BCAS3: variants seen among roughly 807,000 people sequenced by gnomAD.
The protein encoded by BCAS3 is BCAS4/BCAS3 fusion.
Under a neutral mutation model 116.1 loss-of-function variants are expected in BCAS3, and 53 were observed. That is an observed-to-expected ratio of 0.46 (90% CI 0.37 to 0.57). The LOEUF is 0.57. Among genes scored for constraint, BCAS3 ranks in the 20% least tolerant of loss-of-function variants. The pLI, the probability that BCAS3 is intolerant of heterozygous loss-of-function variation, is 0.00. For synonymous variants in BCAS3, 391 were observed against 408.2 expected (o/e 0.96, Z 0.51); for missense variants, 917 against 1,165.4 (o/e 0.79, Z 3.10).
intron 6 of BCAS3, among the ~76,000 whole-genome samples, chr17:60,779,692 C>G (rs551498515): frequency 5.9e-5 from 9 of 152,114 alleles, no homozygotes; most frequent in African/African-American, 2.2e-4. Flanking sequence ...AGACTTGGTT[C>G]CTATCAAGAT....
chr17:60,680,293 T>C (rs1456935585), intron 2 of BCAS3, among the ~76,000 whole-genome samples: 2 of 152,178 alleles, frequency 1.3e-5, no homozygotes, highest in Non-Finnish European at 2.9e-5. Context: ...CTTTTAACTT[T>C]TAAGTTCAAG....
Position 61,131,143 on chromosome 17 carries a change from A to G in BCAS3, c.2425+46579A>G, listed in dbSNP as rs967748240. 1.3e-5 allele frequency among the ~76,000 whole-genome samples: 2 copies of G among 152,318 alleles called. No individual in the cohort carries two copies. Among genetic ancestry groups the G allele is most frequent in the South Asian group, 2.1e-4 (1 of 4,826 alleles). ...AGCTAGGTTGACCTTTAACAAGTCT[A>G]TTTAACTTTTTCTTAGGTTATTTCT... On this transcript the variant is annotated intron_variant, in intron 22 of 23. Transcript: ENST00000407086. The surrounding 1 kb of genome is among the most constrained non-coding windows in gnomAD (Gnocchi z 4.4).
In BCAS3 at chr17:61,359,115, C is replaced by T. The variant is rs560126204; in HGVS notation, c.2426-9212C>T. 2.6e-5 allele frequency among the ~76,000 whole-genome samples: 4 copies of T among 152,208 alleles called. No homozygotes were observed. The South Asian group carries it at 8.3e-4, about 32-fold the overall frequency. On this transcript the variant is annotated intron_variant, in intron 22 of 23. Transcript: ENST00000407086. ...TTGACGCATAACCAGTCAGCCTTAC[C>T]GGTGGCATTGCCCAGGCTCCAGTAT...
At chr17:60,787,943 T>TA (rs924790571) in intron 6 of BCAS3, among the ~76,000 whole-genome samples, 35 of 149,012 alleles carry the variant, frequency 2.3e-4, no homozygotes, top group African/African-American at 6.4e-4. Flanking sequence ...CTAGAAAAGT[T>TA]AAAAAAAAAG....
At chr17:60,701,817 A>AAAAGAAAAAAAAG (rs1300777256) in intron 4 of BCAS3, among the ~76,000 whole-genome samples, 1,552 of 149,212 alleles carry the variant, frequency 0.01, 34 homozygotes, top group African/African-American at 0.036. Context: ...AAAAAAAAAA[A>AAAAGAAAAAAAAG]AAAAGAAAAA....
intron 2 of BCAS3, among the ~76,000 whole-genome samples, chr17:60,682,020 G>A (rs374347448): frequency 1.4e-4 from 21 of 152,128 alleles, no homozygotes; most frequent in African/African-American, 4.1e-4. Flanking sequence ...GTGAGCCACC[G>A]CGCCCGGCCT....
Position 61,296,705 on chromosome 17 carries a change from C to G in BCAS3, c.2426-71622C>G, listed in dbSNP as rs150649679. Among the ~76,000 whole-genome samples, 422 of 152,216 alleles carry G rather than the reference C, an allele frequency of 2.8e-3. 5 individuals are homozygous for G. Among genetic ancestry groups the G allele is most frequent in the South Asian group, 0.019 (92 of 4,818 alleles). On this transcript the variant is annotated intron_variant, in intron 22 of 23. Coordinates refer to ENST00000407086, the MANE Select transcript of BCAS3 (RefSeq NM_017679.5). The stretch of plus-strand genomic sequence containing the variant: ...CCAACCACATGGCAGAGGAGGCATC[C>G]TGGAAAAATTATTGACTAAACCAAG...
intron 22 of BCAS3, among the ~76,000 whole-genome samples, chr17:61,296,508 G>A (rs937282850): frequency 1.3e-5 from 2 of 152,294 alleles, no homozygotes; most frequent in Non-Finnish European, 2.9e-5. Context: ...ATGAAATAGA[G>A]CCCGAATATT....
chr17:61,287,425 G>T (rs542203691), intron 22 of BCAS3, among the ~76,000 whole-genome samples: 1 of 151,064 alleles, frequency 6.6e-6, no homozygotes, highest in East Asian at 2.0e-4. Flanking sequence ...GCCACATGCT[G>T]TTCCAAGAAA....
chr17:60,954,540 T>A (rs903778118), intron 14 of BCAS3, among the ~76,000 whole-genome samples: 1 of 152,224 alleles, frequency 6.6e-6, no homozygotes, highest in Non-Finnish European at 1.5e-5. Flanking sequence ...ATGACTTTTC[T>A]AAGCTATCAC....
Position 60,960,270 on chromosome 17 carries a change from A to G in BCAS3, c.1221+12918A>G, listed in dbSNP as rs1259658292. ...CAACTCTAAGTCTAAATTTTTTTTA[A>G]AAATATTATCGGCTCAAAGGTCCAA... On this transcript the variant is annotated intron_variant, in intron 14 of 23. Coordinates refer to ENST00000407086, the MANE Select transcript of BCAS3 (RefSeq NM_017679.5). The surrounding 1 kb of genome is among the most constrained non-coding windows in gnomAD (Gnocchi z 4.1). Among the ~76,000 whole-genome samples the G allele has an allele frequency of 6.6e-6, 1 of 152,134 alleles. No homozygotes were observed. Among genetic ancestry groups the G allele is most frequent in the Non-Finnish European group, 1.5e-5 (1 of 68,030 alleles).
rs2066889902 is a variant in BCAS3 at position 61,034,789 on chromosome 17, A to G, written c.1761A>G (p.Lys587=). Residue 587 remains lysine (K), a splice_region_variant and synonymous_variant, in exon 17 of 24, where the codon AAA becomes AAG. Transcript: ENST00000407086. This position sits in a 1 kb window ranked among gnomAD's most constrained non-coding sequence, Gnocchi z 5.0. Reference sequence around the variant, plus strand: ...ATAATGCAGGTCTGAAAAGAGAAAAAGGTATGTATTTTTACTGAAAAATGA... The same window carrying G: ...ATAATGCAGGTCTGAAAAGAGAAAAGGGTATGTATTTTTACTGAAAAATGA... ...FANNAGLKRE[K]DQSKQVVVES... is the part of the protein sequence containing the mutation. 2 of 1,594,046 alleles carry G rather than the reference A, an allele frequency of 1.3e-6. No individual in the cohort carries two copies. The highest frequency in any genetic ancestry group is 1.8e-5 in the Admixed American group (1 of 54,424).
At chr17:60,697,145 G>C (rs1195404304) in intron 4 of BCAS3, among the ~76,000 whole-genome samples, 1 of 152,146 alleles carries the variant, frequency 6.6e-6, no homozygotes, top group Non-Finnish European at 1.5e-5. Flanking sequence ...GGCTGTGTTT[G>C]TGTCACTGCG....
In BCAS3 at chr17:61,348,362, G is replaced by A. The variant is rs2057631244; in HGVS notation, c.2426-19965G>A. On this transcript the variant is annotated intron_variant, in intron 22 of 23. Transcript: ENST00000407086. This position sits in a 1 kb window ranked among gnomAD's most constrained non-coding sequence, Gnocchi z 4.5. ...TGGAACATCCAAGTGAGGGTGCTTG[G>A]TCTTACGCAGATGGTTTTGGAGCCC... Among the ~76,000 whole-genome samples, 1 of 152,208 alleles carries A rather than the reference G, an allele frequency of 6.6e-6. No homozygotes were observed. Among genetic ancestry groups the A allele is most frequent in the African/African-American group, 2.4e-5 (1 of 41,450 alleles).
chr17:61,125,541 A>G (rs57685610), intron 22 of BCAS3, among the ~76,000 whole-genome samples: 1 of 152,062 alleles, frequency 6.6e-6, no homozygotes, highest in Non-Finnish European at 1.5e-5. Context: ...GACAAAAAAA[A>G]TTTTTATCAA....
rs1050697982 is a variant in BCAS3 at position 61,041,382 on chromosome 17, A to G, written c.2029+490A>G. Among the ~76,000 whole-genome samples, 1 of 152,186 alleles carries G rather than the reference A, an allele frequency of 6.6e-6. No individual in the cohort carries two copies. The highest frequency in any genetic ancestry group is 2.1e-4 in the South Asian group (1 of 4,830). On this transcript the variant is annotated intron_variant, in intron 19 of 23. Coordinates refer to ENST00000407086, the MANE Select transcript of BCAS3 (RefSeq NM_017679.5). The surrounding 1 kb of genome is among the most constrained non-coding windows in gnomAD (Gnocchi z 4.7). ...CATTTGTTAATTTGTTTGTTTACTT[A>G]TATGTTTAAGCGTGAGCATTTGTAG...
At chr17:61,268,891 C>G (rs1264938612) in intron 22 of BCAS3, among the ~76,000 whole-genome samples, 6 of 151,996 alleles carry the variant, frequency 3.9e-5, no homozygotes, top group Non-Finnish European at 7.4e-5. Flanking sequence ...CTTATTTCAC[C>G]TAGCATGATG....
chr17:61,193,455 G>T (rs1336471017), intron 22 of BCAS3, among the ~76,000 whole-genome samples: 1 of 151,890 alleles, frequency 6.6e-6, no homozygotes, highest in Non-Finnish European at 1.5e-5. Context: ...TCAATGACAG[G>T]GGATATAAGA....
In BCAS3 at chr17:60,902,596, C is replaced by G. The variant is rs1049634945; in HGVS notation, c.739-24C>G. The G allele has an allele frequency of 2.6e-6, 4 of 1,551,376 alleles. No homozygotes were observed. The African/African-American group carries it at 4.1e-5, about 16-fold the overall frequency. ...ACAGATTAATAGAAATGACGTTCTG[C>G]TTCTCTCTCTCTCTTTTTCTCAGTT... On this transcript the variant is annotated intron_variant, in intron 10 of 23. Transcript: ENST00000407086.
Sources: allele counts gnomAD v4.1 joint callset (sites outside exome capture counted in the v4.1 genomes callset), GRCh38; gene constraint gnomAD v4.1.1; non-coding constraint Gnocchi (gnomAD v3.1); transcripts MANE v1.5; gene names NCBI Gene and HGNC (gene_info 2026-07-23, HGNC 2026-07-21).